FNDC3B: variants seen among roughly 807,000 people sequenced by gnomAD.
The protein encoded by FNDC3B is fibronectin type III domain-containing protein 3B.
Under a neutral mutation model 151.5 loss-of-function variants are expected in FNDC3B, and 12 were observed. The ratio of observed to expected loss-of-function variants is 0.08; its 90% confidence interval spans 0.05 to 0.13. The LOEUF is 0.13. Ranked by LOEUF, FNDC3B falls within the 10% of genes least tolerant of loss-of-function variation. FNDC3B has a pLI of 1.00. For missense variants in FNDC3B, 1,214 were observed against 1,505.3 expected (o/e 0.81, Z 3.20); for synonymous variants, 528 against 549.0 (o/e 0.96, Z 0.54).
chr3:172,296,555 A>G (rs1730615809), intron 8 of FNDC3B, among the ~76,000 whole-genome samples: 2 of 152,246 alleles, frequency 1.3e-5, no homozygotes, highest in Admixed American at 1.3e-4. Context: ...TACTCACTGC[A>G]GAAACAAACT....
At chr3:172,234,178 A>G (rs1375879241) in intron 4 of FNDC3B, among the ~76,000 whole-genome samples, 1 of 152,180 alleles carries the variant, frequency 6.6e-6, no homozygotes, top group Non-Finnish European at 1.5e-5. Flanking sequence ...GTGGGAGGAA[A>G]CGAGGGCCCA....
chr3:172,329,496 C>T (rs1732525640), intron 12 of FNDC3B: 2 of 157,312 alleles, frequency 1.3e-5, no homozygotes, highest in African/African-American at 4.8e-5. Context: ...TTGTCAAGCC[C>T]AGGGCAGATA....
chr3:172,207,608 G>A (rs530230608), intron 3 of FNDC3B, among the ~76,000 whole-genome samples: 1 of 152,312 alleles, frequency 6.6e-6, no homozygotes, highest in East Asian at 1.9e-4. Context: ...GGCGGCCATG[G>A]GCGGGGCCTG....
At chr3:172,119,502 C>A (rs1720432298) in intron 2 of FNDC3B, among the ~76,000 whole-genome samples, 1 of 151,922 alleles carries the variant, frequency 6.6e-6, no homozygotes, top group African/African-American at 2.4e-5. Context: ...GATAAGTGGG[C>A]AGGAAAACAG....
intron 9 of FNDC3B, among the ~76,000 whole-genome samples, chr3:172,304,661 C>T (rs1731101086): frequency 1.3e-5 from 2 of 152,172 alleles, no homozygotes; most frequent in African/African-American, 4.8e-5. Context: ...CTTTGGGAGG[C>T]CAAGGTGGGT....
intron 4 of FNDC3B, among the ~76,000 whole-genome samples, chr3:172,231,112 A>G (rs1191000800): frequency 6.6e-6 from 1 of 152,250 alleles, no homozygotes; most frequent in Non-Finnish European, 1.5e-5. Flanking sequence ...ACAATGGACT[A>G]TTATTCAGCC....
chr3:172,055,163 CCTT>C (rs550366728), intron 1 of FNDC3B, among the ~76,000 whole-genome samples: 13 of 152,254 alleles, frequency 8.5e-5, no homozygotes, highest in South Asian at 6.2e-4. Context: ...AAAAAATCCT[CCTT>C]CTTTTAAAGT....
chr3:172,060,154 C>G (rs897086559), intron 1 of FNDC3B, among the ~76,000 whole-genome samples: 1 of 152,102 alleles, frequency 6.6e-6, no homozygotes, highest in Admixed American at 6.5e-5. Flanking sequence ...TCAGTGGGGC[C>G]CATTGACAAT....
chr3:172,330,668 C>T lies in FNDC3B; in HGVS notation c.1507C>T (p.Pro503Ser), dbSNP rs1189762161. 3 of 1,613,932 alleles carry T rather than the reference C, an allele frequency of 1.9e-6. No homozygotes were observed. Among genetic ancestry groups the T allele is most frequent in the Non-Finnish European group, 2.5e-6 (3 of 1,179,960 alleles). Residue 503 changes from proline to serine, a missense_variant, in exon 13 of 26, where the codon CCC becomes TCC. By Grantham distance (74) the Pro-to-Ser change is moderately conservative. Transcript: ENST00000415807. ...GTGGAGTAAGCCAGAAGGCTGTTCA[C>T]CCGAGGAAGTGATCACCTACACCTT... is the stretch of plus-strand genomic sequence containing the variant. ...LQWSKPEGCS[P>S]EEVITYTLEI... is the part of the protein sequence containing the mutation.
At position 172,370,143 on chromosome 3, in the gene FNDC3B, C is replaced by T. The variant is rs182760492; in HGVS notation, c.3008+7298C>T. On this transcript the variant is annotated intron_variant, in intron 23 of 25. Coordinates refer to ENST00000415807, the MANE Select transcript of FNDC3B (RefSeq NM_022763.4). ...GTGTTGCTGTGAGCCTGTAGTTGGCCTAGGGATTATAAGATAACAAGGTAG... is the reference window on the plus strand; with the variant it reads ...GTGTTGCTGTGAGCCTGTAGTTGGCTTAGGGATTATAAGATAACAAGGTAG... Among the ~76,000 whole-genome samples, 426 of 151,838 alleles carry T rather than the reference C, an allele frequency of 2.8e-3. 1 individual carries two copies. The highest frequency in any genetic ancestry group is 0.012 in the South Asian group (60 of 4,814).
chr3:172,265,128 T>C (rs1160652115), intron 6 of FNDC3B, among the ~76,000 whole-genome samples: 1 of 152,248 alleles, frequency 6.6e-6, no homozygotes, highest in African/African-American at 2.4e-5. Flanking sequence ...TTGGGTAGAT[T>C]ACTATTTCTG....
At chr3:172,305,553 A>C (rs1337657050) in intron 9 of FNDC3B, among the ~76,000 whole-genome samples, 1 of 152,228 alleles carries the variant, frequency 6.6e-6, no homozygotes, top group Admixed American at 6.5e-5. Context: ...TTTTCTGCCA[A>C]GACAGTTTTG....
intron 1 of FNDC3B, among the ~76,000 whole-genome samples, chr3:172,061,888 CT>C (rs1717218200): frequency 6.6e-6 from 1 of 152,290 alleles, no homozygotes; most frequent in African/African-American, 2.4e-5. Context: ...GATCTCTGAT[CT>C]TTTTTTCCAG....
At chr3:172,231,258 T>A (rs1355687582) in intron 4 of FNDC3B, among the ~76,000 whole-genome samples, 1 of 152,142 alleles carries the variant, frequency 6.6e-6, no homozygotes, top group Non-Finnish European at 1.5e-5. Flanking sequence ...AATAGGCAAA[T>A]TCATGGAGAC....
chr3:172,335,178 T>C (rs1244795483), intron 15 of FNDC3B, 96 bp downstream of exon 15: 2 of 1,297,294 alleles, frequency 1.5e-6, no homozygotes, highest in African/African-American at 3.0e-5. Flanking sequence ...GCCAAAAAAA[T>C]TGTGGATGGT....
chr3:172,089,743 C>T (rs756308779), intron 1 of FNDC3B, among the ~76,000 whole-genome samples: 16 of 152,046 alleles, frequency 1.1e-4, no homozygotes, highest in Non-Finnish European at 1.5e-4. Context: ...ATCTCAGTGT[C>T]GATTCATTAT....
intron 1 of FNDC3B, among the ~76,000 whole-genome samples, chr3:172,107,423 G>A (rs1341717733): frequency 6.6e-6 from 1 of 152,006 alleles, no homozygotes; most frequent in Non-Finnish European, 1.5e-5. Context: ...CATTTGTAAA[G>A]GGTAGTTGAT....
At chr3:172,229,910 A>G (rs985931051) in intron 4 of FNDC3B, among the ~76,000 whole-genome samples, 6 of 152,236 alleles carry the variant, frequency 3.9e-5, no homozygotes, top group Non-Finnish European at 8.8e-5. Flanking sequence ...TCACTGGAGA[A>G]AAGAATAATC....
intron 3 of FNDC3B, among the ~76,000 whole-genome samples, chr3:172,191,141 A>G (rs1250819690): frequency 6.6e-6 from 1 of 152,252 alleles, no homozygotes; most frequent in African/African-American, 2.4e-5. Flanking sequence ...CAGAGAAGCC[A>G]TGTAATTTGC....
Sources: allele counts gnomAD v4.1 joint callset (sites outside exome capture counted in the v4.1 genomes callset), GRCh38; gene constraint gnomAD v4.1.1; transcripts MANE v1.5; gene names NCBI Gene and HGNC (gene_info 2026-07-23, HGNC 2026-07-21).